FBN1: variants seen among roughly 807,000 people sequenced by gnomAD.
FBN1 encodes fibrillin-1.
Under a neutral mutation model 365.1 loss-of-function variants are expected in FBN1, and 29 were observed. That is an observed-to-expected ratio of 0.08 (90% CI 0.06 to 0.11). The LOEUF (loss-of-function observed/expected upper bound fraction) is 0.11, where lower values mean the gene tolerates loss of function less well. FBN1 is among the 10% of genes least tolerant of loss of function. The pLI is 1.00. For missense variants in FBN1, 2,476 were observed against 3,703.2 expected (o/e 0.67, Z 8.60); for synonymous variants, 1,210 against 1,270.5 (o/e 0.95, Z 1.01).
Position 48,411,013 on chromosome 15 carries a change from T to C in FBN1, c.8593A>G (p.Lys2865Glu), listed in dbSNP as rs775732785. ...AATTAATGAAGCAAAACCTGGATTT[T>C]CATCTTCAGATTATCACCCAGTTCA... ...SGELGDNLKM[K>E]IQVLLH Residue 2865 changes from lysine to glutamate, a missense_variant, in exon 66 of 66, where the codon AAA (lysine) becomes GAA (glutamate). Lys to Glu is a moderately conservative substitution (Grantham distance 56). Coordinates refer to ENST00000316623, the MANE Select transcript of FBN1 (RefSeq NM_000138.5). 2 of 1,613,764 alleles carry C rather than the reference T, an allele frequency of 1.2e-6. No individual in the cohort carries two copies. The highest frequency in any genetic ancestry group is 4.5e-5 in the East Asian group (2 of 44,876).
intron 18 of FBN1, 33 bp from the exon 19 acceptor site, chr15:48,497,424 A>G (rs1211598186): frequency 6.3e-7 from 1 of 1,585,984 alleles, no homozygotes; most frequent in Non-Finnish European, 8.7e-7. Flanking sequence ...ATCAATTAAG[A>G]TTATAAAATA....
intron 25 of FBN1, among the ~76,000 whole-genome samples, chr15:48,489,457 C>T (rs2043537488): frequency 6.6e-6 from 1 of 151,914 alleles, no homozygotes; most frequent in Admixed American, 6.6e-5. Context: ...AAAACAAGAC[C>T]AAACACTCAA....
intron 54 of FBN1, among the ~76,000 whole-genome samples, chr15:48,433,889 C>T (rs1303301343): frequency 6.6e-6 from 1 of 152,168 alleles, no homozygotes; most frequent in Non-Finnish European, 1.5e-5. Context: ...CCAGTGAATC[C>T]CTACTTGAGA....
rs1171127059 is a variant in FBN1 at position 48,644,665 on chromosome 15, C to T, written c.105G>A (p.Lys35=). The T allele has an allele frequency of 6.2e-7, 1 of 1,614,214 alleles. No homozygotes were observed. Among genetic ancestry groups the T allele is most frequent in the East Asian group, 2.2e-5 (1 of 44,866 alleles). Residue 35 remains lysine, a synonymous_variant, in exon 2 of 66, where the codon AAG becomes AAA. Transcript: ENST00000316623. ...ADANLEAGNV[K]ETRASRAKRR... Reference sequence around the variant, plus strand: ...TCTTGGCCCGACTGGCTCTGGTTTCCTTCACGTTCCCAGCCTCCAAATTGG... The same window carrying T: ...TCTTGGCCCGACTGGCTCTGGTTTCTTTCACGTTCCCAGCCTCCAAATTGG...
intron 38 of FBN1, among the ~76,000 whole-genome samples, chr15:48,466,236 A>G (rs2043320754): frequency 6.6e-6 from 1 of 152,204 alleles, no homozygotes; most frequent in Non-Finnish European, 1.5e-5. Context: ...TCTGGGAACT[A>G]CAGCTTCCCT....
chr15:48,433,112 G>A, intron 54 of FBN1, 124 bp from the exon 55 acceptor site: 1 of 974,874 alleles, frequency 1.0e-6, no homozygotes. Context: ...AAACATGGAT[G>A]GATCAAGTGG....
intron 29 of FBN1, among the ~76,000 whole-genome samples, chr15:48,486,433 A>G (rs1380589231): frequency 2.6e-5 from 4 of 152,204 alleles, no homozygotes; most frequent in Non-Finnish European, 5.9e-5. Flanking sequence ...TCGGGGCACA[A>G]TAAAGCCACA....
In FBN1 at chr15:48,424,298, T is replaced by C. The variant is rs921408455; in HGVS notation, c.7453+1071A>G. On this transcript the variant is annotated intron_variant, in intron 60 of 65. Transcript: ENST00000316623. The stretch of plus-strand genomic sequence containing the variant: ...CCTCAGGCACTTGCCCATGATGTCA[T>C]CCACTATTACATGTCTCTTAACTCT... 4.6e-5 allele frequency among the ~76,000 whole-genome samples: 7 copies of C among 152,308 alleles called. No individual in the cohort carries two copies. In the East Asian group the frequency reaches 7.7e-4, roughly 17 times the overall value.
chr15:48,499,447 T>A (rs7163370), intron 17 of FBN1, among the ~76,000 whole-genome samples: 7 of 152,118 alleles, frequency 4.6e-5, no homozygotes, highest in African/African-American at 1.5e-4. Flanking sequence ...GTTTTTTCAG[T>A]ACAATTGGTT....
At chr15:48,587,433 G>A (rs1407214594) in intron 6 of FBN1, among the ~76,000 whole-genome samples, 3 of 152,192 alleles carry the variant, frequency 2.0e-5, no homozygotes, top group Non-Finnish European at 4.4e-5. Flanking sequence ...TAGAATGGAA[G>A]GGCATCGTGG....
At chr15:48,635,832 C>T (rs1204316538) in intron 2 of FBN1, among the ~76,000 whole-genome samples, 1 of 152,182 alleles carries the variant, frequency 6.6e-6, no homozygotes, top group Non-Finnish European at 1.5e-5. Context: ...TGTGGACAAA[C>T]TAAGATCAAT....
intron 54 of FBN1, among the ~76,000 whole-genome samples, chr15:48,433,978 C>T (rs566358132): frequency 1.1e-4 from 16 of 152,150 alleles, no homozygotes; most frequent in Non-Finnish European, 2.1e-4. Flanking sequence ...TGGATGAGGC[C>T]TCACAATGTG....
intron 1 of FBN1, among the ~76,000 whole-genome samples, chr15:48,645,328 C>G (rs1464233896): frequency 6.6e-6 from 1 of 152,234 alleles, no homozygotes; most frequent in Non-Finnish European, 1.5e-5. Flanking sequence ...CCAGCCGCGC[C>G]GTCCCCGCCG....
In FBN1 at chr15:48,421,966, T is replaced by C; in HGVS notation, c.7556A>G (p.His2519Arg). 6.2e-7 allele frequency: 1 copy of C among 1,612,892 alleles called. No individual in the cohort carries two copies. The highest frequency in any genetic ancestry group is 8.5e-7 in the Non-Finnish European group (1 of 1,178,898). Residue 2519 changes from histidine to arginine, a missense_variant, in exon 61 of 66, where the codon CAT becomes CGT. His to Arg is a conservative substitution (Grantham distance 29). This residue lies in a region of FBN1 where 1,780 missense variants were observed against 2,840.8 expected (regional missense o/e 0.63). Coordinates refer to ENST00000316623, the MANE Select transcript of FBN1 (RefSeq NM_000138.5). ...CTCCTACTCACCAATGCAGGACGTA[T>C]GGTGTTGGGTAAATCCGGGAGGACA... ...CKCPPGFTQH[H>R]TSCIDNNECT...
chr15:48,500,952 T>C (rs1324424188), intron 17 of FBN1, among the ~76,000 whole-genome samples: 2 of 152,218 alleles, frequency 1.3e-5, no homozygotes, highest in African/African-American at 4.8e-5. Context: ...TTCAGTACTT[T>C]AAACAGCCTA....
At chr15:48,535,308 A>C (rs1181652020) in intron 7 of FBN1, among the ~76,000 whole-genome samples, 1 of 152,220 alleles carries the variant, frequency 6.6e-6, no homozygotes. Flanking sequence ...GAATGTCTTC[A>C]AAATGTCTTC....
chr15:48,633,895 C>A (rs911687112), intron 2 of FBN1, among the ~76,000 whole-genome samples: 1 of 152,156 alleles, frequency 6.6e-6, no homozygotes, highest in African/African-American at 2.4e-5. Context: ...CACCTACGAA[C>A]CGGAGAGGAA....
chr15:48,526,793 T>C (rs974658204), intron 8 of FBN1, among the ~76,000 whole-genome samples: 1 of 152,150 alleles, frequency 6.6e-6, no homozygotes, highest in African/African-American at 2.4e-5. Flanking sequence ...TCTTCTGTGG[T>C]TGGTGAATGA....
rs556659464 is a variant in FBN1, at chr15:48,457,154, A to G, written c.5297-392T>C. 2.0e-5 allele frequency among the ~76,000 whole-genome samples: 3 copies of G among 152,214 alleles called. No individual in the cohort carries two copies. The East Asian group carries it at 5.8e-4, about 29-fold the overall frequency. ...AAAGGCAGAGGTGAGCTGGTAAAGA[A>G]CCACAGAGGAGCACATGGTCATATG... On this transcript the variant is annotated intron_variant, in intron 43 of 65. Coordinates refer to ENST00000316623, the MANE Select transcript of FBN1 (RefSeq NM_000138.5).
Sources: allele counts gnomAD v4.1 joint callset (sites outside exome capture counted in the v4.1 genomes callset), GRCh38; gene constraint gnomAD v4.1.1; regional missense constraint gnomAD v4.1.1; transcripts MANE v1.5; gene names NCBI Gene and HGNC (gene_info 2026-07-23, HGNC 2026-07-21).